The following PIP4P2 variants were observed in gnomAD, a reference collection of about 807,000 sequenced individuals.
The protein encoded by PIP4P2 is phosphatidylinositol-4,5-bisphosphate 4-phosphatase 2, also known as type 2 phosphatidylinositol 4,5-bisphosphate 4-phosphatase.
A neutral mutation model predicts 33.3 loss-of-function variants in PIP4P2; 19 were observed. The ratio of observed to expected loss-of-function variants is 0.57; its 90% confidence interval spans 0.40 to 0.84. PIP4P2 has a LOEUF of 0.84. Ranked by LOEUF, PIP4P2 falls within the 40% of genes least tolerant of loss-of-function variation. The pLI, the probability that PIP4P2 is intolerant of heterozygous loss-of-function variation, is 0.00. For synonymous variants in PIP4P2, 110 were observed against 111.9 expected, an observed-to-expected ratio of 0.98 and a Z score of 0.11; for missense variants, 270 against 324.7, an observed-to-expected ratio of 0.83 and a Z score of 1.29.
Position 91,040,800 on chromosome 8 carries a change from G to C in PIP4P2, c.-51C>G. On this transcript the variant is annotated 5_prime_UTR_variant, in exon 1 of 7. Coordinates refer to ENST00000285419, the MANE Select transcript of PIP4P2 (RefSeq NM_018710.3). ...GAGGCCGAGCCGGGGTTGCGGCCTC[G>C]GCGGAGTGGTGGCTACTGCTGCTGC... 6.4e-7 allele frequency: 1 copy of C among 1,553,586 alleles called. No homozygotes were observed. The highest frequency in any genetic ancestry group is 8.8e-7 in the Non-Finnish European group (1 of 1,133,928).
At chr8:91,020,808 A>G (rs568073286) in intron 2 of PIP4P2, among the ~76,000 whole-genome samples, 2 of 152,306 alleles carry the variant, frequency 1.3e-5, no homozygotes, top group South Asian at 4.1e-4. Context: ...ATGCATAATC[A>G]CAAAAGCCCA....
intron 5 of PIP4P2, among the ~76,000 whole-genome samples, chr8:91,004,477 CAAGTT>C (rs753959222): frequency 5.3e-5 from 8 of 152,100 alleles, no homozygotes; most frequent in Non-Finnish European, 1.2e-4. Flanking sequence ...TTAATCCAGT[CAAGTT>C]GACACCTAAA....
At chr8:91,008,844 A>G in intron 4 of PIP4P2, 49 bp from the exon 5 acceptor site, 1 of 1,460,726 alleles carries the variant, frequency 6.8e-7, no homozygotes, top group Non-Finnish European at 9.5e-7. Context: ...ACTGAAAACT[A>G]TCCAATCTGA....
At chr8:91,002,792 G>A (rs1229641052) in intron 5 of PIP4P2, among the ~76,000 whole-genome samples, 1 of 152,138 alleles carries the variant, frequency 6.6e-6, no homozygotes, top group Non-Finnish European at 1.5e-5. Context: ...ACAAGGGCAA[G>A]GAAAGGAGTA....
chr8:91,040,544 A>G (rs1586190309), intron 1 of PIP4P2, 100 bp downstream of exon 1: 1 of 1,373,514 alleles, frequency 7.3e-7, no homozygotes, highest in Non-Finnish European at 1.0e-6. Context: ...CGAGAGGCTC[A>G]CCTCCACCTC....
intron 3 of PIP4P2, among the ~76,000 whole-genome samples, chr8:91,019,036 A>G (rs1447166813): frequency 6.6e-6 from 1 of 152,096 alleles, no homozygotes; most frequent in African/African-American, 2.4e-5. Context: ...AGGGCTGTAC[A>G]TGATTCATGT....
At chr8:90,998,516 T>C (rs961613311) in intron 5 of PIP4P2, among the ~76,000 whole-genome samples, 3 of 151,960 alleles carry the variant, frequency 2.0e-5, no homozygotes, top group Non-Finnish European at 4.4e-5. Flanking sequence ...AGTACATATG[T>C]GGTATCTACA....
chr8:91,016,162 A>G (rs537014605), intron 4 of PIP4P2, among the ~76,000 whole-genome samples: 193 of 152,336 alleles, frequency 1.3e-3, no homozygotes, highest in Non-Finnish European at 2.2e-3. Context: ...GTCATGAAAA[A>G]GGAATGCTAT....
At chr8:91,020,662 A>G (rs1811995708) in intron 2 of PIP4P2, among the ~76,000 whole-genome samples, 1 of 152,212 alleles carries the variant, frequency 6.6e-6, no homozygotes, top group Admixed American at 6.5e-5. Flanking sequence ...CTGAAAATTT[A>G]GTTGCTCCCC....
In PIP4P2 at chr8:90,994,328, C is replaced by T. The variant is rs1416356590; in HGVS notation, c.*1349G>A. ...TAAAGGTACATATAATCCTGAGCTA[C>T]AGCATTTATACATTTGTCATTTACT... On this transcript the variant is annotated 3_prime_UTR_variant, in exon 7 of 7. Transcript: ENST00000285419. 1 of 152,094 alleles carries T rather than the reference C, an allele frequency of 6.6e-6. No homozygotes were observed. The highest frequency in any genetic ancestry group is 1.5e-5 in the Non-Finnish European group (1 of 67,964). The allele number at this position is 152,094 out of a possible 1,614,324, so 9.4% of individuals were successfully genotyped here.
intron 1 of PIP4P2, among the ~76,000 whole-genome samples, chr8:91,034,888 G>A (rs1812215703): frequency 6.6e-6 from 1 of 152,146 alleles, no homozygotes; most frequent in African/African-American, 2.4e-5. Flanking sequence ...CTTTAATTCA[G>A]TAAAAGTCTA....
intron 2 of PIP4P2, 126 bp from the exon 3 acceptor site, chr8:91,020,389 G>T: frequency 1.2e-6 from 1 of 843,376 alleles, no homozygotes. Flanking sequence ...GTAACTTAAG[G>T]TTTTATTTTA....
rs370866174 is a variant in PIP4P2 at position 90,996,700 on chromosome 8, T to C, written c.584A>G (p.Tyr195Cys). The stretch of plus-strand genomic sequence containing the variant: ...AATACATATCATTCCAATGGTAATA[T>C]ATGCACAGCAGCGTCTTCGTGGAAG... ...SALPRRRCCA[Y>C]ITIGMICIFI... is the part of the protein sequence containing the mutation. The change falls in exon 6 of 7, where the codon TAT (tyrosine) becomes TGT (cysteine). Residue 195 changes from tyrosine to cysteine, a missense_variant. Physicochemically the swap from Tyr to Cys is radical, Grantham distance 194. Coordinates refer to ENST00000285419, the MANE Select transcript of PIP4P2 (RefSeq NM_018710.3). The C allele has an allele frequency of 6.2e-7, 1 of 1,610,742 alleles. No homozygotes were observed. Among genetic ancestry groups the C allele is most frequent in the Non-Finnish European group, 8.5e-7 (1 of 1,178,324 alleles).
chr8:91,009,717 T>C (rs1043321710), intron 4 of PIP4P2, among the ~76,000 whole-genome samples: 4 of 151,966 alleles, frequency 2.6e-5, no homozygotes, highest in African/African-American at 9.7e-5. Flanking sequence ...TCAAACGTTT[T>C]CCACACAATA....
intron 1 of PIP4P2, among the ~76,000 whole-genome samples, chr8:91,032,991 C>T (rs1455861362): frequency 6.6e-6 from 1 of 152,080 alleles, no homozygotes; most frequent in Non-Finnish European, 1.5e-5. Flanking sequence ...CATTTGTATG[C>T]ATTTGGCAAA....
chr8:91,009,848 A>C (rs1025388509), intron 4 of PIP4P2, among the ~76,000 whole-genome samples: 2 of 151,908 alleles, frequency 1.3e-5, no homozygotes, highest in Admixed American at 1.3e-4. Context: ...TTCAAATCTC[A>C]TGAAATTTAG....
chr8:91,038,371 A>T (rs1384191796), intron 1 of PIP4P2, among the ~76,000 whole-genome samples: 1 of 152,192 alleles, frequency 6.6e-6, no homozygotes, highest in Non-Finnish European at 1.5e-5. Flanking sequence ...TGTAAATGGG[A>T]TCATTAACTA....
intron 5 of PIP4P2, among the ~76,000 whole-genome samples, chr8:90,999,910 G>A (rs1811679824): frequency 6.6e-6 from 1 of 151,778 alleles, no homozygotes; most frequent in Non-Finnish European, 1.5e-5. Context: ...TGATATACAT[G>A]GACTATTTCT....
chr8:91,000,276 G>T (rs1367189064), intron 5 of PIP4P2, among the ~76,000 whole-genome samples: 1 of 151,656 alleles, frequency 6.6e-6, no homozygotes, highest in Non-Finnish European at 1.5e-5. Context: ...CTGTCGTTTT[G>T]GCTATTTTAT....
Sources: gnomAD v4.1 joint callset for allele counts (sites outside exome capture counted in the v4.1 genomes callset) on GRCh38, gnomAD v4.1.1 for gene constraint, MANE v1.5 for transcripts, NCBI Gene and HGNC (gene_info 2026-07-23, HGNC 2026-07-21) for gene names.